The following PTPRD variants were observed in gnomAD, a reference collection of about 807,000 sequenced individuals.
PTPRD encodes the protein protein tyrosine phosphatase receptor type D.
A neutral mutation model predicts 214.5 loss-of-function variants in PTPRD; 34 were observed. The ratio of observed to expected loss-of-function variants is 0.16; its 90% confidence interval spans 0.12 to 0.21. The LOEUF (loss-of-function observed/expected upper bound fraction) is 0.21. Among genes scored for constraint, PTPRD ranks in the 10% least tolerant of loss-of-function variants. The pLI, the probability that PTPRD is intolerant of heterozygous loss-of-function variation, is 1.00. For missense variants in PTPRD, 2,545 were observed against 2,398.7 expected, an observed-to-expected ratio of 1.06 and a Z score of -1.27; for synonymous variants, 1,128 against 845.7, an observed-to-expected ratio of 1.33 and a Z score of -5.79.
At chr9:10,570,301 C>T (rs1204693174) in intron 2 of PTPRD, among the ~76,000 whole-genome samples, 1 of 151,980 alleles carries the variant, frequency 6.6e-6, no homozygotes, top group East Asian at 1.9e-4. Flanking sequence ...TTAAGAAGTC[C>T]AAAGGATATT....
chr9:10,489,787 C>T (rs1480231587), intron 2 of PTPRD, among the ~76,000 whole-genome samples: 1 of 152,116 alleles, frequency 6.6e-6, no homozygotes, highest in Non-Finnish European at 1.5e-5. Context: ...GATAGGGCAG[C>T]ACTGAGTTCA....
chr9:9,260,482 T>C (rs1479329287), intron 9 of PTPRD, among the ~76,000 whole-genome samples: 1 of 151,944 alleles, frequency 6.6e-6, no homozygotes, highest in African/African-American at 2.4e-5. Context: ...CAATAGCGCC[T>C]CTTGTCATTT....
At chr9:8,688,428 G>A (rs975348648) in intron 12 of PTPRD, among the ~76,000 whole-genome samples, 3 of 152,060 alleles carry the variant, frequency 2.0e-5, no homozygotes, top group Non-Finnish European at 2.9e-5. Context: ...AGCCGGGCGT[G>A]GTGGTGGGCG....
chr9:10,327,445 AG>A (rs1164803435), intron 3 of PTPRD, among the ~76,000 whole-genome samples: 2 of 151,416 alleles, frequency 1.3e-5, no homozygotes, highest in Admixed American at 6.6e-5. Context: ...TGCTAATTAA[AG>A]GAATTATTGT....
Position 8,523,638 on chromosome 9 carries a change from A to C in PTPRD, c.680-114T>G. 3 of 1,111,180 alleles carry C rather than the reference A, an allele frequency of 2.7e-6. 1 individual carries two copies. In the South Asian group the frequency reaches 4.3e-5, roughly 16 times the overall value. 68.8% of individuals were successfully genotyped at this position (1,111,180 alleles called of 1,614,324 possible). A position where few individuals can be genotyped will look rare whatever the true frequency, so the allele number is the denominator to read the frequency against. On this transcript the variant is annotated intron_variant, in intron 18 of 45. Coordinates refer to ENST00000381196, the MANE Select transcript of PTPRD (RefSeq NM_002839.4). ...ATCAAGGCTTTCAACTGCTACTTGA[A>C]CATCTTTATTCGCTCTAGTTCATCC...
At chr9:9,947,716 A>T (rs1447925087) in intron 4 of PTPRD, among the ~76,000 whole-genome samples, 1 of 136,418 alleles carries the variant, frequency 7.3e-6, no homozygotes, top group Non-Finnish European at 1.5e-5. Context: ...GGTTCTAAGG[A>T]CTAAAATACT....
intron 26 of PTPRD, among the ~76,000 whole-genome samples, chr9:8,494,499 C>T (rs570594970): frequency 6.6e-6 from 1 of 152,258 alleles, no homozygotes; most frequent in South Asian, 2.1e-4. Context: ...CTGGCTATCC[C>T]AAAAACTATC....
chr9:8,965,615 G>A (rs1368872759), intron 11 of PTPRD, among the ~76,000 whole-genome samples: 3 of 151,856 alleles, frequency 2.0e-5, no homozygotes, highest in Non-Finnish European at 4.4e-5. Flanking sequence ...TGCTGTTGTT[G>A]GTTTAAAGTA....
intron 3 of PTPRD, among the ~76,000 whole-genome samples, chr9:10,298,877 G>A (rs1392064355): frequency 1.3e-5 from 2 of 151,936 alleles, no homozygotes; most frequent in African/African-American, 4.8e-5. Context: ...GCTGTTTCTT[G>A]AAGGCACTGA....
chr9:10,522,797 G>C (rs188807991), intron 2 of PTPRD, among the ~76,000 whole-genome samples: 52 of 152,028 alleles, frequency 3.4e-4, no homozygotes, highest in Admixed American at 3.9e-4. Context: ...GATGAAATTA[G>C]CACAGTAAAG....
At chr9:9,823,839 A>G (rs1441315013) in intron 5 of PTPRD, among the ~76,000 whole-genome samples, 3 of 152,076 alleles carry the variant, frequency 2.0e-5, no homozygotes, top group Non-Finnish European at 2.9e-5. Flanking sequence ...AATGTATTGT[A>G]TATTTCAAAA....
chr9:8,415,373 A>G (rs2131280241), intron 35 of PTPRD, among the ~76,000 whole-genome samples: 1 of 152,312 alleles, frequency 6.6e-6, no homozygotes, highest in East Asian at 1.9e-4. Context: ...TTCAATTGTG[A>G]TTGGATATGT....
chr9:8,834,963 G>C (rs994588767), intron 11 of PTPRD, among the ~76,000 whole-genome samples: 1 of 152,194 alleles, frequency 6.6e-6, no homozygotes, highest in African/African-American at 2.4e-5. Flanking sequence ...AGCATGGCTG[G>C]TGCTTTTGCC....
At chr9:8,839,753 T>C (rs2097522647) in intron 11 of PTPRD, among the ~76,000 whole-genome samples, 1 of 152,168 alleles carries the variant, frequency 6.6e-6, no homozygotes, top group Admixed American at 6.6e-5. Context: ...TCCTCAAAGC[T>C]TTGTATTGAT....
At chr9:10,145,010 G>A (rs2154270570) in intron 3 of PTPRD, among the ~76,000 whole-genome samples, 2 of 151,170 alleles carry the variant, frequency 1.3e-5, no homozygotes, top group South Asian at 2.1e-4. Context: ...TCCTTTATCA[G>A]GAAAAAAAAT....
chr9:8,863,585 G>C (rs574519446), intron 11 of PTPRD, among the ~76,000 whole-genome samples: 2 of 152,074 alleles, frequency 1.3e-5, no homozygotes, highest in African/African-American at 4.8e-5. Flanking sequence ...GGATTTCAGT[G>C]TTTCCTAACA....
chr9:10,091,195 C>G (rs1011642504), intron 3 of PTPRD, among the ~76,000 whole-genome samples: 1 of 151,400 alleles, frequency 6.6e-6, no homozygotes, highest in Non-Finnish European at 1.5e-5. Flanking sequence ...TATTCAAGTA[C>G]TAGTATTAAT....
intron 2 of PTPRD, among the ~76,000 whole-genome samples, chr9:10,482,573 A>G (rs2099107765): frequency 6.6e-6 from 1 of 151,892 alleles, no homozygotes; most frequent in Non-Finnish European, 1.5e-5. Context: ...TTTGGAGAAG[A>G]CCCCTCAAAA....
At chr9:9,860,839 A>C (rs2153690068) in intron 5 of PTPRD, among the ~76,000 whole-genome samples, 1 of 152,362 alleles carries the variant, frequency 6.6e-6, no homozygotes, top group South Asian at 2.1e-4. Flanking sequence ...AAAGCACAAA[A>C]CAGAGATGTT....
Sources: allele counts gnomAD v4.1 joint callset (sites outside exome capture counted in the v4.1 genomes callset), GRCh38; gene constraint gnomAD v4.1.1; transcripts MANE v1.5; gene names NCBI Gene and HGNC (gene_info 2026-07-23, HGNC 2026-07-21).